Variants in LARP1B observed in about 807,000 individuals in gnomAD.
LARP1B encodes La ribonucleoprotein 1B.
LARP1B carries 76 observed loss-of-function variants against 114.2 expected under a neutral mutation model. That is an observed-to-expected ratio of 0.67 (90% CI 0.55 to 0.81). LARP1B has a LOEUF of 0.81. Among genes scored for constraint, LARP1B ranks in the 30% least tolerant of loss-of-function variants. The pLI is 0.00. For missense variants in LARP1B, 1,014 were observed against 1,075.8 expected (o/e 0.94, Z 0.80); for synonymous variants, 345 against 348.0 (o/e 0.99, Z 0.10).
chr4:128,123,590 AT>A (rs138724227), intron 11 of LARP1B: 5,869 of 409,056 alleles, frequency 0.014, 94 homozygotes, highest in East Asian at 0.1. Context: ...TGACAATAGG[AT>A]TTTTTTCTAT....
At position 128,107,718 on chromosome 4, in the gene LARP1B, T is replaced by C. The variant is rs534624883; in HGVS notation, c.988+405T>C. The C allele has an allele frequency of 1.2e-4, 175 of 1,452,850 alleles. No individual in the cohort carries two copies. The East Asian group carries it at 4.3e-3, about 36-fold the overall frequency. 90.0% of individuals were successfully genotyped at this position (1,452,850 alleles called of 1,614,324 possible). On this transcript the variant is annotated intron_variant, in intron 9 of 19. Coordinates refer to ENST00000326639, the MANE Select transcript of LARP1B (RefSeq NM_018078.4). ...ATTTTGTTACCAATACGCTTTAATCTTGTCTTGGAAAGATAAAATGACCTG... is the reference window on the plus strand; with the variant it reads ...ATTTTGTTACCAATACGCTTTAATCCTGTCTTGGAAAGATAAAATGACCTG...
At chr4:128,189,861 C>T (rs1751652340) in intron 15 of LARP1B, among the ~76,000 whole-genome samples, 1 of 152,128 alleles carries the variant, frequency 6.6e-6, no homozygotes, top group Admixed American at 6.5e-5. Context: ...ATTTTGTTGT[C>T]TTAATTTACA....
chr4:128,080,512 G>A (rs1383301475), intron 4 of LARP1B, among the ~76,000 whole-genome samples: 1 of 152,140 alleles, frequency 6.6e-6, no homozygotes, highest in Non-Finnish European at 1.5e-5. Context: ...TTGATCCATA[G>A]TTTGCAGGAT....
In LARP1B at chr4:128,098,189, A is replaced by C. The variant is rs745589559; in HGVS notation, c.672A>C (p.Glu224Asp). 5 of 1,605,634 alleles carry C rather than the reference A, an allele frequency of 3.1e-6. No homozygotes were observed. The highest frequency in any genetic ancestry group is 1.7e-5 in the Admixed American group (1 of 59,954). Residue 224 changes from glutamate (E) to aspartate (D), a missense_variant, in exon 8 of 20, where the codon GAA becomes GAC. Physicochemically the swap from Glu to Asp is conservative, Grantham distance 45. Transcript: ENST00000326639. ...LLKEYIKRQI[E>D]YYFSVENLER... is the part of the protein sequence containing the mutation. ...AAATTCTGATTTCTCTTTTCAGTGA[A>C]TATTACTTCAGTGTAGAAAATTTGG... is the stretch of plus-strand genomic sequence containing the variant.
intron 7 of LARP1B, 90 bp downstream of exon 7, chr4:128,091,602 T>C: frequency 2.9e-6 from 3 of 1,048,786 alleles, no homozygotes; most frequent in Non-Finnish European, 2.6e-6. Flanking sequence ...TGCTATAATT[T>C]TTTTTTTTTT....
chr4:128,068,053 TG>T (rs1363103386), intron 1 of LARP1B, among the ~76,000 whole-genome samples: 1 of 152,130 alleles, frequency 6.6e-6, no homozygotes, highest in African/African-American at 2.4e-5. Context: ...GCTAATTTTT[TG>T]CATTTTTAGT....
At chr4:128,100,567 TG>T (rs1005369477) in intron 8 of LARP1B, among the ~76,000 whole-genome samples, 2 of 152,168 alleles carry the variant, frequency 1.3e-5, no homozygotes, top group African/African-American at 4.8e-5. Context: ...CCACCACGCC[TG>T]GACTCATTGT....
At chr4:128,163,982 A>G (rs955589545) in intron 12 of LARP1B, among the ~76,000 whole-genome samples, 1 of 152,164 alleles carries the variant, frequency 6.6e-6, no homozygotes, top group Non-Finnish European at 1.5e-5. Flanking sequence ...TTGAATAGAA[A>G]GAGCTAGGAA....
intron 6 of LARP1B, chr4:128,220,290 A>G: frequency 1.8e-6 from 1 of 565,518 alleles, no homozygotes; most frequent in Non-Finnish European, 2.2e-6. Context: ...TGTGTGTTTA[A>G]TCTTTTCCTT....
intron 18 of LARP1B, 44 bp downstream of exon 18, chr4:128,206,581 A>T (rs1757655910): frequency 6.4e-7 from 1 of 1,570,946 alleles, no homozygotes. Context: ...TGGAAATTGT[A>T]AACCTGAGTC....
At chr4:128,197,880 C>CTTTTTTTTTTTTTTTTTTT in intron 15 of LARP1B, among the ~76,000 whole-genome samples, 1 of 86,988 alleles carries the variant, frequency 1.1e-5, no homozygotes, top group African/African-American at 4.2e-5. Context: ...ACGATTGTAG[C>CTTTTTTTTTTTTTTTTTTT]TTTTTTTTTT....
intron 1 of LARP1B, among the ~76,000 whole-genome samples, chr4:128,073,726 G>T (rs1766645023): frequency 6.7e-6 from 1 of 150,128 alleles, no homozygotes; most frequent in African/African-American, 2.4e-5. Context: ...GAGTAGCTGG[G>T]ACTATGGGCA....
intron 9 of LARP1B, chr4:128,108,337 T>C (rs933976898): frequency 1.8e-5 from 18 of 1,000,066 alleles, no homozygotes; most frequent in Non-Finnish European, 2.0e-5. Context: ...TGCTATTCGA[T>C]TTGCCTTTCA....
At position 128,196,229 on chromosome 4, in the gene LARP1B, C is replaced by A. The variant is rs562678670; in HGVS notation, c.2004-3210C>A. ...TCATGTCACTACACTTCAGCCTGGG[C>A]GACAGAGTGAGAGTCTGTCAAAAAA... On this transcript the variant is annotated intron_variant, in intron 15 of 19. Coordinates refer to ENST00000326639, the MANE Select transcript of LARP1B (RefSeq NM_018078.4). 7.0e-5 allele frequency among the ~76,000 whole-genome samples: 8 copies of A among 113,540 alleles called. No individual in the cohort carries two copies. The East Asian group carries it at 2.1e-3, about 30-fold the overall frequency. 74.5% of individuals were successfully genotyped at this position (113,540 alleles called of 152,430 possible).
chr4:128,062,127 C>G, intron 1 of LARP1B: 2 of 985,408 alleles, frequency 2.0e-6, no homozygotes. Flanking sequence ...CTGCTGCCGC[C>G]TAAGGGAAAT....
At chr4:128,092,397 T>G (rs1406049154) in intron 7 of LARP1B, among the ~76,000 whole-genome samples, 1 of 152,174 alleles carries the variant, frequency 6.6e-6, no homozygotes, top group Non-Finnish European at 1.5e-5. Context: ...GAATGTGAAG[T>G]CAGGAGAATA....
chr4:128,181,342 T>G (rs183026608), intron 15 of LARP1B, among the ~76,000 whole-genome samples: 1,609 of 152,140 alleles, frequency 0.011, 26 homozygotes, highest in African/African-American at 0.035. Context: ...CACACCCAGC[T>G]AATTTTTGTA....
chr4:128,210,813 T>C lies in LARP1B; in HGVS notation c.*760T>C. The C allele has an allele frequency of 1.0e-6, 1 of 983,240 alleles. No individual in the cohort carries two copies. The highest frequency in any genetic ancestry group is 1.2e-6 in the Non-Finnish European group (1 of 828,024). The allele number at this position is 983,240 out of a possible 1,614,324, so 60.9% of individuals were successfully genotyped here. A position where few individuals can be genotyped will look rare whatever the true frequency, so the allele number is the denominator to read the frequency against. On this transcript the variant is annotated 3_prime_UTR_variant, in exon 20 of 20. Coordinates refer to ENST00000326639, the MANE Select transcript of LARP1B (RefSeq NM_018078.4). Reference sequence around the variant, plus strand: ...TATTAGAGGTTTATTTTTATGATTCTATATAAACGTGCACGAGTAATTTAA... The same window carrying C: ...TATTAGAGGTTTATTTTTATGATTCCATATAAACGTGCACGAGTAATTTAA...
intron 11 of LARP1B, among the ~76,000 whole-genome samples, chr4:128,150,797 A>T (rs1428088992): frequency 3.3e-5 from 5 of 152,164 alleles, no homozygotes; most frequent in Non-Finnish European, 7.3e-5. Context: ...ACCACCTTGG[A>T]CCTACCATCA....
Sources: allele counts gnomAD v4.1 joint callset (sites outside exome capture counted in the v4.1 genomes callset), GRCh38; gene constraint gnomAD v4.1.1; transcripts MANE v1.5; gene names NCBI Gene and HGNC (gene_info 2026-07-23, HGNC 2026-07-21).